ITPRID1: variants seen among roughly 807,000 people sequenced by gnomAD.
ITPRID1 encodes the protein ITPR interacting domain containing 1, also known as protein ITPRID1.
In ITPRID1, 96 loss-of-function variants were observed where a neutral mutation model predicts 95.4. The observed-to-expected ratio is 1.01, with a 90% CI of 0.85 to 1.19. ITPRID1 has a LOEUF of 1.19. ITPRID1 is among the 50% of genes most tolerant of loss of function. The probability of loss-of-function intolerance (pLI) is 0.00; values close to 1 mark genes in which losing one functional copy is unlikely to be tolerated. For missense variants in ITPRID1, 1,339 were observed against 1,252.9 expected, an observed-to-expected ratio of 1.07 and a Z score of -1.04; for synonymous variants, 510 against 453.6, an observed-to-expected ratio of 1.12 and a Z score of -1.58.
intron 1 of ITPRID1, among the ~76,000 whole-genome samples, chr7:31,541,494 C>T (rs914645436): frequency 7.9e-5 from 12 of 152,090 alleles, no homozygotes; most frequent in African/African-American, 2.7e-4. Flanking sequence ...GTTAAAATTA[C>T]GAGGATATCT....
intron 10 of ITPRID1, among the ~76,000 whole-genome samples, chr7:31,626,626 T>C (rs1274244357): frequency 2.6e-5 from 4 of 152,188 alleles, no homozygotes; most frequent in African/African-American, 7.2e-5. Flanking sequence ...CAAAACAGTT[T>C]TTGACATGTC....
At chr7:31,626,158 G>A (rs909018797) in intron 10 of ITPRID1, among the ~76,000 whole-genome samples, 2 of 152,192 alleles carry the variant, frequency 1.3e-5, no homozygotes, top group African/African-American at 4.8e-5. Context: ...CTAAAAATCT[G>A]TGACTATGTG....
chr7:31,655,187 T>C lies in ITPRID1; in HGVS notation c.*2358T>C, dbSNP rs1465320785. Among the ~76,000 whole-genome samples the C allele has an allele frequency of 2.0e-5, 3 of 152,152 alleles. No individual in the cohort carries two copies. The highest frequency in any genetic ancestry group is 1.3e-4 in the Admixed American group (2 of 15,272). ...CTCTTGGCTAAAGCTGACCTGGTCA[T>C]TGCCCCAACTCAGTTCATCTTCCTG... On this transcript the variant is annotated 3_prime_UTR_variant, in exon 15 of 15. Transcript: ENST00000615280.
intron 10 of ITPRID1, among the ~76,000 whole-genome samples, chr7:31,610,087 TTTC>T (rs1156891344): frequency 1.3e-5 from 2 of 151,598 alleles, no homozygotes; most frequent in Non-Finnish European, 3.0e-5. Flanking sequence ...TTGCCTAAAT[TTTC>T]TTCTTCTATG....
chr7:31,519,610 C>CTATATATA (rs1373387362), intron 1 of ITPRID1, among the ~76,000 whole-genome samples: 1 of 51,324 alleles, frequency 1.9e-5, no homozygotes, highest in South Asian at 9.9e-4. Flanking sequence ...CTCTCTCTCT[C>CTATATATA]TCTCTCTCTC....
rs191645768 is a variant in ITPRID1 at position 31,516,411 on chromosome 7, C to A, written c.-98+2291C>A. Among the ~76,000 whole-genome samples, 262 of 152,254 alleles carry A rather than the reference C, an allele frequency of 1.7e-3. 2 individuals carry two copies. Among genetic ancestry groups the A allele is most frequent in the Middle Eastern group, 0.014 (4 of 294 alleles). On this transcript the variant is annotated intron_variant, in intron 1 of 14. Coordinates refer to ENST00000615280, the MANE Select transcript of ITPRID1 (RefSeq NM_001257967.3). ...TATACAATCTTGTTTATTATTTCAACTACATGTACAAAATTCAATTATGAC... is the reference window on the plus strand; with the variant it reads ...TATACAATCTTGTTTATTATTTCAAATACATGTACAAAATTCAATTATGAC...
intron 12 of ITPRID1, among the ~76,000 whole-genome samples, chr7:31,650,821 C>A (rs1308251112): frequency 4.6e-5 from 7 of 152,130 alleles, no homozygotes; most frequent in Admixed American, 4.6e-4. Context: ...CTTACTCTGG[C>A]ACTTCCCCTC....
chr7:31,641,258 A>G (rs1789989656), intron 10 of ITPRID1, among the ~76,000 whole-genome samples: 1 of 152,126 alleles, frequency 6.6e-6, no homozygotes, highest in African/African-American at 2.4e-5. Flanking sequence ...CCTATTTATC[A>G]CTTAGGTACC....
chr7:31,637,366 G>A (rs1033304727), intron 10 of ITPRID1, among the ~76,000 whole-genome samples: 10 of 152,066 alleles, frequency 6.6e-5, no homozygotes, highest in Non-Finnish European at 1.2e-4. Context: ...GTGTAAAAGT[G>A]TTCCTATTTC....
intron 12 of ITPRID1, among the ~76,000 whole-genome samples, chr7:31,647,041 C>T (rs1690532473): frequency 6.6e-6 from 1 of 152,210 alleles, no homozygotes; most frequent in Admixed American, 6.5e-5. Context: ...CACACATATA[C>T]GTGTGCATAT....
intron 9 of ITPRID1, among the ~76,000 whole-genome samples, chr7:31,582,644 CT>C (rs1352067716): frequency 6.6e-6 from 1 of 151,990 alleles, no homozygotes; most frequent in Non-Finnish European, 1.5e-5. Context: ...TTAATGATAA[CT>C]TTATTTTCAT....
chr7:31,625,372 C>G (rs1788354231), intron 10 of ITPRID1, among the ~76,000 whole-genome samples: 1 of 151,828 alleles, frequency 6.6e-6, no homozygotes, highest in Admixed American at 6.6e-5. Context: ...GGAACCAACC[C>G]AAATGTCCAA....
chr7:31,656,148 C>T lies in ITPRID1; in HGVS notation c.*3319C>T, dbSNP rs1791294541. Reference sequence around the variant, plus strand: ...ATCACTTTGCTTTTTTGTTAAAACACTGAAAACCTCCTGTCTTGTGTTACC... The same window carrying T: ...ATCACTTTGCTTTTTTGTTAAAACATTGAAAACCTCCTGTCTTGTGTTACC... On this transcript the variant is annotated 3_prime_UTR_variant, in exon 15 of 15. Coordinates refer to ENST00000615280, the MANE Select transcript of ITPRID1 (RefSeq NM_001257967.3). 2.4e-6 allele frequency: 1 copy of T among 411,610 alleles called. No homozygotes were observed. Among genetic ancestry groups the T allele is most frequent in the Non-Finnish European group, 3.3e-6 (1 of 305,818 alleles). 25.5% of individuals were successfully genotyped at this position (411,610 alleles called of 1,614,324 possible). A position where few individuals can be genotyped will look rare whatever the true frequency, so the allele number is the denominator to read the frequency against.
intron 10 of ITPRID1, among the ~76,000 whole-genome samples, chr7:31,626,184 T>C (rs1198779320): frequency 2.0e-5 from 3 of 152,226 alleles, no homozygotes; most frequent in Non-Finnish European, 4.4e-5. Context: ...ATCTTTGGGC[T>C]TTCTTTTTGT....
chr7:31,648,331 AAAG>A (rs199699207), intron 12 of ITPRID1, among the ~76,000 whole-genome samples: 6,774 of 152,258 alleles, frequency 0.044, 303 homozygotes, highest in Admixed American at 0.14. Context: ...ATTGTAAGAA[AAAG>A]AAGAAGAAGA....
In ITPRID1 at chr7:31,574,711, G is replaced by C. The variant is rs759060140; in HGVS notation, c.567G>C (p.Gln189His). Residue 189 changes from glutamine to histidine, a missense_variant, in exon 8 of 15, where the codon CAG (glutamine) becomes CAC (histidine). By Grantham distance (24) the Gln-to-His change is conservative (BLOSUM62 0). Coordinates refer to ENST00000615280, the MANE Select transcript of ITPRID1 (RefSeq NM_001257967.3). Reference protein sequence around the residue: ...NIRVFLEAQKQRMDIENPNLY... With the variant: ...NIRVFLEAQKHRMDIENPNLY... ...GTGTTTTTCTTGAAGCTCAAAAGCAGCGAATGGACATTGAGAACCCCAACT... is the reference window on the plus strand; with the variant it reads ...GTGTTTTTCTTGAAGCTCAAAAGCACCGAATGGACATTGAGAACCCCAACT... The C allele has an allele frequency of 6.2e-7, 1 of 1,613,732 alleles. No homozygotes were observed. Among genetic ancestry groups the C allele is most frequent in the South Asian group, 1.1e-5 (1 of 91,086 alleles).
intron 1 of ITPRID1, among the ~76,000 whole-genome samples, chr7:31,548,983 A>G (rs1475736134): frequency 2.0e-5 from 3 of 152,096 alleles, no homozygotes; most frequent in Non-Finnish European, 2.9e-5. Context: ...CCTGGACACT[A>G]TTTGAGATCT....
Position 31,607,170 on chromosome 7 carries a change from G to A in ITPRID1, c.1228+23979G>A, listed in dbSNP as rs544666080. Among the ~76,000 whole-genome samples, 3 of 152,262 alleles carry A rather than the reference G, an allele frequency of 2.0e-5. No homozygotes were observed. In the East Asian group the frequency reaches 5.8e-4, roughly 29 times the overall value. ...ATCAGAAAACAAAACTCTGTCCTCA[G>A]TGTGCTTTCCCACCTGCAAGACGGT... On this transcript the variant is annotated intron_variant, in intron 10 of 14. Transcript: ENST00000615280.
chr7:31,614,201 C>G (rs888241250), intron 10 of ITPRID1, among the ~76,000 whole-genome samples: 1 of 152,142 alleles, frequency 6.6e-6, no homozygotes, highest in Admixed American at 6.5e-5. Context: ...ATACAGTATC[C>G]AATACCTTCT....
Sources: gnomAD v4.1 joint callset for allele counts (sites outside exome capture counted in the v4.1 genomes callset) on GRCh38, gnomAD v4.1.1 for gene constraint, MANE v1.5 for transcripts, NCBI Gene and HGNC (gene_info 2026-07-23, HGNC 2026-07-21) for gene names.